The following SYNE2 variants were observed in gnomAD, a reference collection of about 807,000 sequenced individuals.
SYNE2 encodes nesprin-2.
A neutral mutation model predicts 856.3 loss-of-function variants in SYNE2; 431 were observed. That is an observed-to-expected ratio of 0.50 (90% CI 0.47 to 0.55). SYNE2 has a LOEUF of 0.55. Ranked by LOEUF, SYNE2 falls within the 20% of genes least tolerant of loss-of-function variation. The probability of loss-of-function intolerance (pLI) is 0.00; values close to 1 mark genes in which losing one functional copy is unlikely to be tolerated. For missense variants in SYNE2, 8,129 were observed against 8,023.2 expected, an observed-to-expected ratio of 1.01 and a Z score of -0.50; for synonymous variants, 2,923 against 2,872.3, an observed-to-expected ratio of 1.02 and a Z score of -0.56.
intron 57 of SYNE2, among the ~76,000 whole-genome samples, chr14:64,081,783 A>G (rs1044078919): frequency 5.3e-5 from 8 of 152,094 alleles, no homozygotes; most frequent in African/African-American, 1.9e-4. Context: ...CTGTCCTGAT[A>G]ACTACTTTAT....
At chr14:64,019,497 A>G (rs573948443) in intron 34 of SYNE2, among the ~76,000 whole-genome samples, 5 of 152,228 alleles carry the variant, frequency 3.3e-5, no homozygotes, top group Non-Finnish European at 7.3e-5. Context: ...GATAATAGGT[A>G]TTAAGTGAAA....
Position 64,158,721 on chromosome 14 carries a change from T to G in SYNE2, c.15889T>G (p.Trp5297Gly). 1 of 1,614,082 alleles carries G rather than the reference T, an allele frequency of 6.2e-7. No homozygotes were observed. The highest frequency in any genetic ancestry group is 1.3e-5 in the African/African-American group (1 of 75,048). Residue 5297 changes from tryptophan to glycine, a missense_variant, in exon 86 of 116, where the codon TGG becomes GGG. Trp to Gly is a radical substitution (Grantham distance 184). Coordinates refer to ENST00000555002, the MANE Select transcript of SYNE2 (RefSeq NM_182914.3). ...DEVNMMTIRF[W>G]YCMEHSKPVV... ...AGTGAATATGATGACAATCCGATTC[T>G]GGTACTGCATGGAACACAGCAAGCC...
intron 78 of SYNE2, among the ~76,000 whole-genome samples, chr14:64,134,486 G>A (rs1200913417): frequency 1.3e-5 from 2 of 152,144 alleles, no homozygotes; most frequent in East Asian, 3.8e-4. Context: ...TCTGTGGAAT[G>A]CAGATAATCG....
At chr14:64,005,259 A>T (rs564142181) in intron 30 of SYNE2, among the ~76,000 whole-genome samples, 1 of 152,340 alleles carries the variant, frequency 6.6e-6, no homozygotes, top group South Asian at 2.1e-4. Context: ...AATGTGTTGA[A>T]AATAGACTGT....
intron 98 of SYNE2, 126 bp from the exon 99 acceptor site, chr14:64,189,945 G>A: frequency 1.9e-6 from 2 of 1,062,336 alleles, no homozygotes; most frequent in Admixed American, 2.3e-5. Flanking sequence ...TTATTGGTAT[G>A]AGCCACTATG....
In SYNE2 at chr14:64,002,846, A is replaced by G; in HGVS notation, c.3913A>G (p.Lys1305Glu). 6.2e-7 allele frequency: 1 copy of G among 1,614,210 alleles called. No homozygotes were observed. Among genetic ancestry groups the G allele is most frequent in the Non-Finnish European group, 8.5e-7 (1 of 1,180,036 alleles). Residue 1305 changes from lysine to glutamate, a missense_variant, in exon 30 of 116, where the codon AAA becomes GAA. By Grantham distance (56) the Lys-to-Glu change is moderately conservative (BLOSUM62 1). This residue lies in a region of SYNE2 where 2,422 missense variants were observed against 2,357.4 expected (regional missense o/e 1.03). Coordinates refer to ENST00000555002, the MANE Select transcript of SYNE2 (RefSeq NM_182914.3). ...AATGCAGAATATTATACTGAAATAC[A>G]AAACACAATTTGAAGGAATGAACCA... Reference protein sequence around the residue: ...HAMQNIILKYKTQFEGMNHRV... With the variant: ...HAMQNIILKYETQFEGMNHRV...
chr14:63,843,703 A>C (rs1205453611), intron 1 of SYNE2, among the ~76,000 whole-genome samples: 1 of 152,204 alleles, frequency 6.6e-6, no homozygotes, highest in East Asian at 1.9e-4. Flanking sequence ...AATTGTATCA[A>C]AGGCCTTTTC....
At position 64,098,792 on chromosome 14, in the gene SYNE2, G is replaced by A. The variant is rs763188798; in HGVS notation, c.12352G>A (p.Glu4118Lys). 1.4e-5 allele frequency: 22 copies of A among 1,614,166 alleles called. No homozygotes were observed. Among genetic ancestry groups the A allele is most frequent in the Non-Finnish European group, 1.9e-5 (22 of 1,180,022 alleles). Residue 4118 changes from glutamate (E) to lysine (K), a missense_variant, in exon 63 of 116, where the codon GAG becomes AAG. By Grantham distance (56) the Glu-to-Lys change is moderately conservative. This residue lies in a region of SYNE2 where 5,410 missense variants were observed against 5,284.8 expected (regional missense o/e 1.02). Transcript: ENST00000555002. ...GTCTTACCTGGCAGCAGTCGAGGAA[G>A]AGGTGGAAGAAAGTTCCGTGAAGAG... ...SMSYLAAVEE[E>K]VEESSVKSDN...
intron 51 of SYNE2, among the ~76,000 whole-genome samples, chr14:64,066,502 C>T (rs1311397491): frequency 1.3e-5 from 2 of 152,102 alleles, no homozygotes; most frequent in Non-Finnish European, 2.9e-5. Flanking sequence ...GACACTGTCT[C>T]AAAAACAAAC....
rs1169805962 is a variant in SYNE2, at chr14:64,225,664, AC to A, written c.*139del. 1 of 967,274 alleles carries A rather than the reference AC, an allele frequency of 1.0e-6. No homozygotes were observed. Among genetic ancestry groups the A allele is most frequent in the Non-Finnish European group, 1.6e-6 (1 of 620,428 alleles). 59.9% of individuals were successfully genotyped at this position (967,274 alleles called of 1,614,324 possible). On this transcript the variant is annotated 3_prime_UTR_variant, in exon 116 of 116. Coordinates refer to ENST00000555002, the MANE Select transcript of SYNE2 (RefSeq NM_182914.3). ...CAGACTTCTTCTGGGCTTACCCAGC[AC>A]GGGCTCCCTGGAGCCCAGGGCAGCT...
chr14:63,940,465 A>G (rs2095897775), intron 2 of SYNE2, 149 bp from the exon 3 acceptor site: 2 of 726,122 alleles, frequency 2.8e-6, no homozygotes, highest in Non-Finnish European at 4.9e-6. Flanking sequence ...TACTTGGACA[A>G]ACATCTACAG....
rs1332645586 is a variant in SYNE2, at chr14:63,994,035, A to G, written c.2781+66A>G. ...GTCTGATCCTGGGCTGTTGGTTGTC[A>G]GAGCCATTCCTGGGGTTTTCCTGTC... On this transcript the variant is annotated intron_variant, in intron 22 of 115. Transcript: ENST00000555002. 3.9e-6 allele frequency: 6 copies of G among 1,548,310 alleles called. No individual in the cohort carries two copies. In the African/African-American group the frequency reaches 8.2e-5, roughly 21 times the overall value.
At chr14:63,872,146 T>C (rs1896992126) in intron 1 of SYNE2, among the ~76,000 whole-genome samples, 1 of 152,086 alleles carries the variant, frequency 6.6e-6, no homozygotes, top group Non-Finnish European at 1.5e-5. Flanking sequence ...TAAGATTCTA[T>C]CCAGCTTGGT....
chr14:64,143,109 A>G (rs1417121151), intron 82 of SYNE2, among the ~76,000 whole-genome samples: 2 of 152,234 alleles, frequency 1.3e-5, no homozygotes, highest in Non-Finnish European at 2.9e-5. Flanking sequence ...CTACACGTGT[A>G]TATTCTCACA....
At chr14:63,932,055 A>G (rs1176596859) in intron 2 of SYNE2, among the ~76,000 whole-genome samples, 1 of 152,246 alleles carries the variant, frequency 6.6e-6, no homozygotes, top group Non-Finnish European at 1.5e-5. Flanking sequence ...CCAGAGCCAG[A>G]GTGGATTATT....
intron 1 of SYNE2, among the ~76,000 whole-genome samples, chr14:63,860,143 T>C (rs1311237546): frequency 6.6e-6 from 1 of 152,132 alleles, no homozygotes; most frequent in Non-Finnish European, 1.5e-5. Context: ...GGTGTGAGCC[T>C]CTGTGCCTGG....
intron 83 of SYNE2, among the ~76,000 whole-genome samples, chr14:64,144,817 A>G (rs1045355294): frequency 1.3e-5 from 2 of 152,112 alleles, no homozygotes; most frequent in African/African-American, 2.4e-5. Flanking sequence ...AGAGTGTTCA[A>G]TTCAGCATCG....
intron 101 of SYNE2, chr14:64,209,173 C>G (rs1265622759): frequency 1.2e-6 from 1 of 813,844 alleles, no homozygotes; most frequent in East Asian, 2.7e-5. Context: ...GGCCGCTGTG[C>G]TTCCGTTGAC....
At chr14:63,897,867 G>T (rs11158519) in intron 1 of SYNE2, among the ~76,000 whole-genome samples, 1 of 152,094 alleles carries the variant, frequency 6.6e-6, no homozygotes, top group Non-Finnish European at 1.5e-5. Context: ...TGAGAGCTCC[G>T]TTCATTCTTC....
Sources: allele counts gnomAD v4.1 joint callset (sites outside exome capture counted in the v4.1 genomes callset), GRCh38; gene constraint gnomAD v4.1.1; regional missense constraint gnomAD v4.1.1; transcripts MANE v1.5; gene names NCBI Gene and HGNC (gene_info 2026-07-23, HGNC 2026-07-21).